Variants in BAIAP2 observed in about 807,000 individuals in gnomAD.
BAIAP2 encodes BAR/IMD domain-containing adapter protein 2.
A neutral mutation model predicts 63.0 loss-of-function variants in BAIAP2; 18 were observed. The observed-to-expected ratio is 0.29, with a 90% CI of 0.20 to 0.42. The LOEUF (loss-of-function observed/expected upper bound fraction) is 0.42, where lower values mean the gene tolerates loss of function less well. Among genes scored for constraint, BAIAP2 ranks in the 10% least tolerant of loss-of-function variants. BAIAP2 has a pLI of 1.00. For missense variants in BAIAP2, 610 were observed against 734.3 expected, an observed-to-expected ratio of 0.83 and a Z score of 1.96; for synonymous variants, 386 against 307.6, an observed-to-expected ratio of 1.25 and a Z score of -2.67.
At chr17:81,085,554 A>T in intron 4 of BAIAP2, 100 bp from the exon 5 acceptor site, 1 of 971,462 alleles carries the variant, frequency 1.0e-6, no homozygotes. Context: ...CAGCCGGGAC[A>T]CCCGGTGTCT....
chr17:81,084,461 T>C (rs1005819608), intron 3 of BAIAP2, among the ~76,000 whole-genome samples: 3 of 152,108 alleles, frequency 2.0e-5, no homozygotes, highest in Non-Finnish European at 2.9e-5. Context: ...GGTTCGGAGC[T>C]CTTGGGTCTC....
At chr17:81,053,383 C>T in intron 1 of BAIAP2, 1 of 452,128 alleles carries the variant, frequency 2.2e-6, no homozygotes, top group South Asian at 2.5e-5. Flanking sequence ...GCCTGCTGCA[C>T]CATGCAAATG....
chr17:81,047,602 C>T (rs957529479), intron 1 of BAIAP2, among the ~76,000 whole-genome samples: 9 of 149,874 alleles, frequency 6.0e-5, no homozygotes, highest in Admixed American at 3.3e-4. Flanking sequence ...CACGGGTCCA[C>T]GTGTGTCCAG....
At chr17:81,071,097 T>C (rs1417347849) in intron 3 of BAIAP2, among the ~76,000 whole-genome samples, 1 of 90,922 alleles carries the variant, frequency 1.1e-5, no homozygotes, top group Non-Finnish European at 2.7e-5. Context: ...ACACAGACAT[T>C]GATTTTTTTT....
intron 3 of BAIAP2, among the ~76,000 whole-genome samples, chr17:81,068,770 C>G (rs1344034921): frequency 6.6e-6 from 1 of 152,204 alleles, no homozygotes; most frequent in Non-Finnish European, 1.5e-5. Context: ...ACTCCGGTCC[C>G]AGGGAGGTGT....
intron 3 of BAIAP2, among the ~76,000 whole-genome samples, chr17:81,068,216 T>C (rs1351701933): frequency 6.6e-6 from 1 of 152,186 alleles, no homozygotes; most frequent in Non-Finnish European, 1.5e-5. Flanking sequence ...TTGCATCTTG[T>C]AGGGTTTGGA....
intron 3 of BAIAP2, among the ~76,000 whole-genome samples, chr17:81,065,982 A>G (rs1348201479): frequency 3.3e-5 from 5 of 152,204 alleles, no homozygotes; most frequent in African/African-American, 9.6e-5. Context: ...CCCAGCAGAG[A>G]GCACTGCACT....
At chr17:81,065,157 G>A (rs2051243426) in intron 3 of BAIAP2, among the ~76,000 whole-genome samples, 3 of 152,240 alleles carry the variant, frequency 2.0e-5, no homozygotes, top group African/African-American at 7.2e-5. Context: ...AGCTCGGGGA[G>A]ACTGGAGTGG....
At chr17:81,110,812 G>A in intron 13 of BAIAP2, 1 of 1,474,364 alleles carries the variant, frequency 6.8e-7, no homozygotes, top group South Asian at 1.1e-5. Flanking sequence ...GTGCTCCAGG[G>A]TTCTAGGTCT....
chr17:81,104,485 G>C lies in BAIAP2; in HGVS notation c.1067-29G>C, dbSNP rs774310181. The C allele has an allele frequency of 1.2e-5, 18 of 1,563,366 alleles. No homozygotes were observed. The African/African-American group carries it at 1.8e-4, about 15-fold the overall frequency. On this transcript the variant is annotated intron_variant, in intron 9 of 13. Transcript: ENST00000428708. ...TTTGCTGCCCCGCCAGCCAGGGGCAGTCCCCTTACCTGTCCCTTGTCCCAG... is the reference window on the plus strand; with the variant it reads ...TTTGCTGCCCCGCCAGCCAGGGGCACTCCCCTTACCTGTCCCTTGTCCCAG...
intron 4 of BAIAP2, 75 bp downstream of exon 4, chr17:81,084,968 G>A: frequency 1.4e-6 from 2 of 1,470,202 alleles, no homozygotes; most frequent in Middle Eastern, 1.8e-4. Context: ...CCTTGGCCGT[G>A]TGTCCACTTG....
intron 1 of BAIAP2, among the ~76,000 whole-genome samples, chr17:81,041,836 T>C (rs2047122283): frequency 6.6e-6 from 1 of 152,188 alleles, no homozygotes; most frequent in African/African-American, 2.4e-5. Context: ...GCTCCCAAAG[T>C]GCTGGGATTA....
At chr17:81,071,703 T>G (rs1437278403) in intron 3 of BAIAP2, among the ~76,000 whole-genome samples, 1 of 152,240 alleles carries the variant, frequency 6.6e-6, no homozygotes, top group Non-Finnish European at 1.5e-5. Flanking sequence ...GGGACTCACG[T>G]CCAGCTCCCG....
At chr17:81,042,465 A>G (rs550011370) in intron 1 of BAIAP2, among the ~76,000 whole-genome samples, 4 of 152,080 alleles carry the variant, frequency 2.6e-5, no homozygotes, top group African/African-American at 9.6e-5. Context: ...TGCTTTCTTG[A>G]TCAGCAGGTT....
intron 2 of BAIAP2, among the ~76,000 whole-genome samples, chr17:81,056,676 T>C (rs1008951709): frequency 4.6e-5 from 7 of 152,184 alleles, no homozygotes; most frequent in Non-Finnish European, 8.8e-5. Flanking sequence ...CGGGGCTGAG[T>C]GTGGAGACTT....
chr17:81,082,335 C>T (rs1394861599), intron 3 of BAIAP2, among the ~76,000 whole-genome samples: 1 of 152,150 alleles, frequency 6.6e-6, no homozygotes, highest in African/African-American at 2.4e-5. Context: ...TATGTGATAC[C>T]TCCCCGGGGT....
At chr17:81,103,767 G>A in intron 8 of BAIAP2, 44 bp downstream of exon 8, 2 of 1,578,360 alleles carry the variant, frequency 1.3e-6, no homozygotes, top group Non-Finnish European at 1.7e-6. Context: ...GTGGGTGGGA[G>A]GGCAGCTTGT....
intron 3 of BAIAP2, among the ~76,000 whole-genome samples, chr17:81,070,518 G>A (rs1337535341): frequency 6.6e-6 from 1 of 152,210 alleles, no homozygotes; most frequent in Non-Finnish European, 1.5e-5. Flanking sequence ...GTGCTTTGGA[G>A]GGAGGAGAGA....
chr17:81,099,854 TG>T lies in BAIAP2; in HGVS notation c.490-70del, dbSNP rs2058255363. The T allele has an allele frequency of 4.5e-6, 7 of 1,542,566 alleles. No homozygotes were observed. In the South Asian group the frequency reaches 8.3e-5, roughly 18 times the overall value. On this transcript the variant is annotated intron_variant, in intron 6 of 13. Transcript: ENST00000428708. ...GAGACGTGTCCTTTGACTGAGTCCG[TG>T]GGGCTGCCCCAAACCGGTCCTGACA...
Sources: gnomAD v4.1 joint callset for allele counts (sites outside exome capture counted in the v4.1 genomes callset) on GRCh38, gnomAD v4.1.1 for gene constraint, MANE v1.5 for transcripts, NCBI Gene and HGNC (gene_info 2026-07-23, HGNC 2026-07-21) for gene names.